Variants in FEM1C observed in about 807,000 individuals in gnomAD.
FEM1C encodes the protein fem-1 homolog C.
Under a neutral mutation model 37.6 loss-of-function variants are expected in FEM1C, and 15 were observed. That is an observed-to-expected ratio of 0.40 (90% CI 0.27 to 0.61). The LOEUF is 0.61. Among genes scored for constraint, FEM1C ranks in the 20% least tolerant of loss-of-function variants. FEM1C has a pLI of 0.42. For synonymous variants in FEM1C, 287 were observed against 272.8 expected (o/e 1.05, Z -0.51); for missense variants, 532 against 749.7 (o/e 0.71, Z 3.39).
chr5:115,524,473 A>C lies in FEM1C; in HGVS notation c.1689T>G (p.Thr563=). 6.2e-7 allele frequency: 1 copy of C among 1,613,054 alleles called. No homozygotes were observed. The highest frequency in any genetic ancestry group is 8.5e-7 in the Non-Finnish European group (1 of 1,179,484). The part of the protein sequence containing the change: ...HFDATNLHKQ[T]ASDLLDEKEI... ...CCTTCTCATCCAGCAAGTCACTAGCAGTTTGTTTGTGCAAGTTTGTGGCAT... is the reference window on the plus strand; with the variant it reads ...CCTTCTCATCCAGCAAGTCACTAGCCGTTTGTTTGTGCAAGTTTGTGGCAT... The change falls in exon 3 of 3, where the codon ACT becomes ACG. Residue 563 remains threonine (T), a synonymous_variant. Transcript: ENST00000274457.
At chr5:115,532,444 G>A (rs565491033) in intron 2 of FEM1C, among the ~76,000 whole-genome samples, 1 of 151,880 alleles carries the variant, frequency 6.6e-6, no homozygotes, top group South Asian at 2.1e-4. Context: ...CAGGTTAAGT[G>A]TATAACCACC....
intron 2 of FEM1C, among the ~76,000 whole-genome samples, chr5:115,539,477 C>T (rs1287659579): frequency 1.3e-5 from 2 of 152,066 alleles, no homozygotes; most frequent in Admixed American, 6.5e-5. Flanking sequence ...TAGGAACCAA[C>T]TCCCGTCTCA....
At chr5:115,535,302 A>C (rs1754102316) in intron 2 of FEM1C, among the ~76,000 whole-genome samples, 1 of 151,492 alleles carries the variant, frequency 6.6e-6, no homozygotes, top group Admixed American at 6.6e-5. Flanking sequence ...AAAAAAACAA[A>C]CACAGAATGA....
chr5:115,538,434 C>A (rs538841133), intron 2 of FEM1C, among the ~76,000 whole-genome samples: 13 of 151,988 alleles, frequency 8.6e-5, no homozygotes, highest in African/African-American at 2.9e-4. Flanking sequence ...CATCAAGGAG[C>A]TTATAATCTT....
chr5:115,536,336 T>G (rs1045294453), intron 2 of FEM1C, among the ~76,000 whole-genome samples: 2 of 151,980 alleles, frequency 1.3e-5, no homozygotes, highest in Non-Finnish European at 2.9e-5. Flanking sequence ...TATAATACAT[T>G]TATTTGGAAA....
chr5:115,540,189 C>T (rs1482054983), intron 2 of FEM1C, among the ~76,000 whole-genome samples: 1 of 151,992 alleles, frequency 6.6e-6, no homozygotes, highest in Non-Finnish European at 1.5e-5. Context: ...TTGGTTCCTG[C>T]TTTTGTTACC....
At chr5:115,532,627 A>T (rs1376646952) in intron 2 of FEM1C, among the ~76,000 whole-genome samples, 2 of 151,788 alleles carry the variant, frequency 1.3e-5, no homozygotes, top group Non-Finnish European at 2.9e-5. Flanking sequence ...TGACAAAGTT[A>T]TAATCAGTAT....
chr5:115,542,061 G>T (rs1041086907), intron 2 of FEM1C, among the ~76,000 whole-genome samples: 13 of 152,036 alleles, frequency 8.6e-5, no homozygotes, highest in African/African-American at 3.1e-4. Context: ...ATTAGGTAGT[G>T]AATTATTTTG....
rs1458903118 is a variant in FEM1C at position 115,525,631 on chromosome 5, A to AG, written c.545-15dup. 1 of 1,589,286 alleles carries AG rather than the reference A, an allele frequency of 6.3e-7. No homozygotes were observed. ...ATGCAGTATTACCTTAAAGAGAGAG[A>AG]GAAAAAAAGAAATAACATACATTGA... On this transcript the variant is annotated splice_polypyrimidine_tract_variant and intron_variant, in intron 2 of 2. Transcript: ENST00000274457.
intron 2 of FEM1C, among the ~76,000 whole-genome samples, chr5:115,529,272 G>C (rs1019859612): frequency 6.6e-6 from 1 of 151,904 alleles, no homozygotes; most frequent in African/African-American, 2.4e-5. Flanking sequence ...GAAAACTAAG[G>C]ACAAAGAGAA....
At chr5:115,537,924 A>C (rs964869499) in intron 2 of FEM1C, among the ~76,000 whole-genome samples, 1 of 152,044 alleles carries the variant, frequency 6.6e-6, no homozygotes, top group Non-Finnish European at 1.5e-5. Context: ...TTTTTAGTTT[A>C]CAAGAGAGAT....
rs763849167 is a variant in FEM1C, at chr5:115,543,274, C to T, written c.220G>A (p.Val74Ile). The T allele has an allele frequency of 2.5e-6, 4 of 1,614,140 alleles. No homozygotes were observed. The highest frequency in any genetic ancestry group is 3.4e-6 in the Non-Finnish European group (4 of 1,180,008). ...TCAATGGTTTCGCCATCAAAATTGA[C>T]GGAGCCCCCAACTTCTATGGAGGCA... ...CSASIEVGGS[V>I]NFDGETIEGA... The change falls in exon 2 of 3, where the codon GTC (valine) becomes ATC (isoleucine). Residue 74 changes from valine (V) to isoleucine (I), a missense_variant. Val to Ile is a conservative substitution (Grantham distance 29). Around this residue, in one of 3 missense-constraint regions of FEM1C, gnomAD observed 221 missense variants for 404.1 expected, o/e 0.55. Transcript: ENST00000274457.
At chr5:115,544,502 G>C (rs937204594) in intron 1 of FEM1C, 21 bp downstream of exon 1, 1 of 153,700 alleles carries the variant, frequency 6.5e-6, no homozygotes, top group African/African-American at 2.4e-5. Flanking sequence ...AGCCCTGGCA[G>C]GCCGCTGCCG....
intron 2 of FEM1C, among the ~76,000 whole-genome samples, chr5:115,542,492 G>GT (rs1394727197): frequency 4.0e-5 from 6 of 151,174 alleles, no homozygotes; most frequent in African/African-American, 1.5e-4. Context: ...GACAGAAAAA[G>GT]TGAAATGACT....
chr5:115,526,798 C>T (rs1341288410), intron 2 of FEM1C, among the ~76,000 whole-genome samples: 1 of 152,082 alleles, frequency 6.6e-6, no homozygotes, highest in East Asian at 1.9e-4. Context: ...GTAAATAGTT[C>T]TCTATACTGA....
At chr5:115,541,506 T>C (rs972926920) in intron 2 of FEM1C, among the ~76,000 whole-genome samples, 1 of 152,280 alleles carries the variant, frequency 6.6e-6, no homozygotes, top group East Asian at 1.9e-4. Context: ...CTATCACAAC[T>C]GCAAATGTAC....
At chr5:115,533,791 A>G (rs1228045485) in intron 2 of FEM1C, among the ~76,000 whole-genome samples, 2 of 152,020 alleles carry the variant, frequency 1.3e-5, no homozygotes, top group Middle Eastern at 3.2e-3. Flanking sequence ...GATGAAATTA[A>G]GGATATGCAG....
rs535378220 is a variant in FEM1C, at chr5:115,525,687, C to T, written c.545-70G>A. The T allele has an allele frequency of 6.8e-5, 81 of 1,185,976 alleles. 1 individual carries two copies. In the African/African-American group the frequency reaches 1.1e-3, roughly 15 times the overall value. The allele number at this position is 1,185,976 out of a possible 1,614,324, so 73.5% of individuals were successfully genotyped here. ...CAAAATATAATGTAATATATATATGCACTTTAGAACCTAAAGAAAAGCAGG... is the reference window on the plus strand; with the variant it reads ...CAAAATATAATGTAATATATATATGTACTTTAGAACCTAAAGAAAAGCAGG... On this transcript the variant is annotated intron_variant, in intron 2 of 2. Coordinates refer to ENST00000274457, the MANE Select transcript of FEM1C (RefSeq NM_020177.3).
At chr5:115,527,908 G>C (rs1381965708) in intron 2 of FEM1C, among the ~76,000 whole-genome samples, 1 of 151,402 alleles carries the variant, frequency 6.6e-6, no homozygotes, top group African/African-American at 2.4e-5. Context: ...GGCTGAGGCA[G>C]GAGAATCACT....
Sources: allele counts gnomAD v4.1 joint callset (sites outside exome capture counted in the v4.1 genomes callset), GRCh38; gene constraint gnomAD v4.1.1; regional missense constraint gnomAD v4.1.1; transcripts MANE v1.5; gene names NCBI Gene and HGNC (gene_info 2026-07-23, HGNC 2026-07-21).